Variants in SCN2A observed in about 807,000 individuals in gnomAD.
The protein encoded by SCN2A is sodium voltage-gated channel alpha subunit 2.
Under a neutral mutation model 188.7 loss-of-function variants are expected in SCN2A, and 20 were observed. That is an observed-to-expected ratio of 0.11 (90% CI 0.07 to 0.15). SCN2A has a LOEUF of 0.15. Among genes scored for constraint, SCN2A ranks in the 10% least tolerant of loss-of-function variants. The pLI is 1.00. For missense variants in SCN2A, 1,278 were observed against 2,445.0 expected (o/e 0.52, Z 10.07); for synonymous variants, 804 against 833.1 (o/e 0.97, Z 0.60).
intron 6 of SCN2A, 23 bp from the exon 7 acceptor site, chr2:165,310,300 C>A: frequency 6.2e-7 from 1 of 1,612,960 alleles, no homozygotes; most frequent in Non-Finnish European, 8.5e-7. Flanking sequence ...TATTTAAATT[C>A]CCCCTTCTGA....
rs1701585919 is a variant in SCN2A at position 165,381,222 on chromosome 2, C to T, written c.4551+25C>T. 6 of 1,463,198 alleles carry T rather than the reference C, an allele frequency of 4.1e-6. No homozygotes were observed. The African/African-American group carries it at 7.0e-5, about 17-fold the overall frequency. The allele number at this position is 1,463,198 out of a possible 1,614,324, so 90.6% of individuals were successfully genotyped here. On this transcript the variant is annotated intron_variant, in intron 25 of 26. Coordinates refer to ENST00000375437, the MANE Select transcript of SCN2A (RefSeq NM_001040142.2). ...TGTAAGAATAACATATTTTCATTGC[C>T]TGTTAAAACTATATTACCTAACCGT...
intron 3 of SCN2A, among the ~76,000 whole-genome samples, chr2:165,307,401 G>A (rs1697194577): frequency 1.3e-5 from 2 of 151,988 alleles, no homozygotes; most frequent in Admixed American, 1.3e-4. Flanking sequence ...TGTTTAGAAA[G>A]GACCTTATTA....
At chr2:165,287,986 A>G (rs1353697171) in intron 1 of SCN2A, among the ~76,000 whole-genome samples, 1 of 152,214 alleles carries the variant, frequency 6.6e-6, no homozygotes, top group East Asian at 1.9e-4. Context: ...AAAATACAGT[A>G]CCATGTCTGA....
intron 2 of SCN2A, 58 bp downstream of exon 2, chr2:165,296,148 C>A: frequency 6.5e-7 from 1 of 1,530,256 alleles, no homozygotes; most frequent in South Asian, 1.1e-5. Flanking sequence ...CTGGGCTAGT[C>A]CCAGGGATGA....
chr2:165,379,048 A>C (rs1202040519), intron 23 of SCN2A, among the ~76,000 whole-genome samples: 1 of 151,888 alleles, frequency 6.6e-6, no homozygotes, highest in Non-Finnish European at 1.5e-5. Flanking sequence ...GTTGGGTATG[A>C]TCACATTATT....
intron 22 of SCN2A, among the ~76,000 whole-genome samples, chr2:165,376,709 T>A (rs1026606334): frequency 6.6e-6 from 1 of 152,014 alleles, no homozygotes; most frequent in Non-Finnish European, 1.5e-5. Flanking sequence ...GGTGTGTGTG[T>A]GTGTGTGTAT....
At chr2:165,269,211 C>T (rs1368162825) in intron 1 of SCN2A, 1 of 151,962 alleles carries the variant, frequency 6.6e-6, no homozygotes, top group Non-Finnish European at 1.5e-5. Context: ...TTGATTTAAT[C>T]ATTTCACAAT....
intron 1 of SCN2A, among the ~76,000 whole-genome samples, chr2:165,251,074 C>T (rs1694069334): frequency 6.6e-6 from 1 of 152,036 alleles, no homozygotes; most frequent in Non-Finnish European, 1.5e-5. Context: ...TCAGTATATA[C>T]TATTTTAGTT....
intron 23 of SCN2A, among the ~76,000 whole-genome samples, chr2:165,378,323 T>A (rs1366577358): frequency 7.0e-6 from 1 of 143,846 alleles, no homozygotes; most frequent in Non-Finnish European, 1.6e-5. Context: ...GAAGAATTCC[T>A]GAGGTTTTTT....
chr2:165,379,278 C>T (rs1701479299), intron 23 of SCN2A, among the ~76,000 whole-genome samples: 1 of 151,612 alleles, frequency 6.6e-6, no homozygotes, highest in South Asian at 2.1e-4. Context: ...TATACAACCA[C>T]ATGGATGAGC....
intron 10 of SCN2A, among the ~76,000 whole-genome samples, chr2:165,315,173 A>G (rs1038153260): frequency 6.6e-6 from 1 of 152,214 alleles, no homozygotes; most frequent in Admixed American, 6.5e-5. Flanking sequence ...TGTTTGAATT[A>G]TAGAACATGT....
intron 1 of SCN2A, among the ~76,000 whole-genome samples, chr2:165,250,215 T>A (rs1459912626): frequency 7.9e-5 from 12 of 152,022 alleles, no homozygotes; most frequent in Admixed American, 7.9e-4. Flanking sequence ...AGGTAATACA[T>A]ATGCTGAGCT....
intron 1 of SCN2A, among the ~76,000 whole-genome samples, chr2:165,288,192 A>G (rs1462105674): frequency 6.6e-6 from 1 of 152,214 alleles, no homozygotes; most frequent in African/African-American, 2.4e-5. Context: ...TAAACATTTT[A>G]TAACAAAATT....
At chr2:165,345,363 A>G (rs923465536) in intron 16 of SCN2A, among the ~76,000 whole-genome samples, 1 of 152,172 alleles carries the variant, frequency 6.6e-6, no homozygotes, top group African/African-American at 2.4e-5. Context: ...CATTGTCTCT[A>G]AAAACATTAA....
chr2:165,310,472 C>G lies in SCN2A; in HGVS notation c.847C>G (p.Pro283Ala), dbSNP rs765714006. 1 of 1,613,532 alleles carries G rather than the reference C, an allele frequency of 6.2e-7. No homozygotes were observed. Among genetic ancestry groups the G allele is most frequent in the East Asian group, 2.2e-5 (1 of 44,860 alleles). ...NLRNKCLQWP[P>A]DNSSFEINIT... Reference sequence around the variant, plus strand: ...ACGAAATAAATGTTTGCAATGGCCTCCAGATAATTCTTCCTTTGAAATAAA... The same window carrying G: ...ACGAAATAAATGTTTGCAATGGCCTGCAGATAATTCTTCCTTTGAAATAAA... Residue 283 changes from proline to alanine, a missense_variant, in exon 7 of 27, where the codon CCA (proline) becomes GCA (alanine). Pro to Ala is a conservative substitution (Grantham distance 27). This residue lies in a region of SCN2A where 45 missense variants were observed against 58.1 expected (regional missense o/e 0.77). Coordinates refer to ENST00000375437, the MANE Select transcript of SCN2A (RefSeq NM_001040142.2).
intron 8 of SCN2A, 73 bp from the exon 9 acceptor site, chr2:165,313,547 A>G (rs1697556470): frequency 1.9e-6 from 3 of 1,566,118 alleles, no homozygotes; most frequent in Middle Eastern, 1.7e-4. Context: ...ACATTGGCAT[A>G]TATTAAAACA....
chr2:165,286,003 G>T, intron 1 of SCN2A: 1 of 201,666 alleles, frequency 5.0e-6, no homozygotes, highest in Non-Finnish European at 1.1e-5. Context: ...AAGACTTCGT[G>T]ATATCCGATG....
Position 165,359,348 on chromosome 2 carries a change from A to G in SCN2A, c.3399+4677A>G, listed in dbSNP as rs566181294. The stretch of plus-strand genomic sequence containing the variant: ...GGATAATAGCTTGTTTCTCGGAAAG[A>G]GGCAAGGGTAGTTTCCTTATTCTCT... On this transcript the variant is annotated intron_variant, in intron 17 of 26. Coordinates refer to ENST00000375437, the MANE Select transcript of SCN2A (RefSeq NM_001040142.2). Among the ~76,000 whole-genome samples the G allele has an allele frequency of 6.0e-4, 92 of 152,226 alleles. 2 individuals are homozygous for G. The highest frequency in any genetic ancestry group is 6.8e-3 in the Middle Eastern group (2 of 294).
At chr2:165,348,156 C>T (rs377380327) in intron 16 of SCN2A, among the ~76,000 whole-genome samples, 3 of 152,020 alleles carry the variant, frequency 2.0e-5, no homozygotes, top group Admixed American at 2.0e-4. Context: ...GACAGTAGTT[C>T]GCGACCAGCC....
Sources: gnomAD v4.1 joint callset for allele counts (sites outside exome capture counted in the v4.1 genomes callset) on GRCh38, gnomAD v4.1.1 for gene constraint, gnomAD v4.1.1 regional missense constraint, MANE v1.5 for transcripts, NCBI Gene and HGNC (gene_info 2026-07-23, HGNC 2026-07-21) for gene names.